EPB41L4A: variants seen among roughly 807,000 people sequenced by gnomAD.
EPB41L4A encodes erythrocyte membrane protein band 4.1 like 4A.
A neutral mutation model predicts 108.6 loss-of-function variants in EPB41L4A; 100 were observed. That is an observed-to-expected ratio of 0.92 (90% CI 0.78 to 1.09). The LOEUF (loss-of-function observed/expected upper bound fraction) is 1.09, where lower values mean the gene tolerates loss of function less well. Ranked by LOEUF, EPB41L4A falls within the 50% of genes least tolerant of loss-of-function variation. EPB41L4A has a pLI of 0.00. For synonymous variants in EPB41L4A, 319 were observed against 289.0 expected (o/e 1.10, Z -1.05); for missense variants, 1,030 against 842.7 (o/e 1.22, Z -2.75).
chr5:112,391,680 T>C (rs1760951649), intron 1 of EPB41L4A, among the ~76,000 whole-genome samples: 1 of 152,088 alleles, frequency 6.6e-6, no homozygotes, highest in Non-Finnish European at 1.5e-5. Context: ...CAGGAGAACT[T>C]TCCCAACCTA....
At chr5:112,236,897 C>A (rs550879098) in intron 11 of EPB41L4A, among the ~76,000 whole-genome samples, 19 of 152,328 alleles carry the variant, frequency 1.2e-4, no homozygotes, top group South Asian at 8.3e-4. Flanking sequence ...TTAAATAAAG[C>A]TGCACATGTG....
At chr5:112,178,168 A>ATTTTATGCGTGTGCATGTGTAGT (rs1760966145) in intron 18 of EPB41L4A, among the ~76,000 whole-genome samples, 1 of 152,186 alleles carries the variant, frequency 6.6e-6, no homozygotes, top group African/African-American at 2.4e-5. Flanking sequence ...AACATGAAGA[A>ATTTTATGCGTGTGCATGTGTAGT]GGTATGGTAG....
chr5:112,258,873 T>G (rs1043292870), intron 9 of EPB41L4A, among the ~76,000 whole-genome samples: 2 of 152,216 alleles, frequency 1.3e-5, no homozygotes, highest in African/African-American at 4.8e-5. Flanking sequence ...AGAATGCATT[T>G]TGGCAGTCCT....
intron 6 of EPB41L4A, chr5:112,263,292 C>T (rs1448361671): frequency 6.6e-6 from 1 of 152,030 alleles, no homozygotes; most frequent in Non-Finnish European, 1.5e-5. Context: ...AATAGATAAC[C>T]AAAGGAGGTC....
At chr5:112,378,679 C>A (rs546176621) in intron 1 of EPB41L4A, among the ~76,000 whole-genome samples, 2 of 152,092 alleles carry the variant, frequency 1.3e-5, no homozygotes, top group South Asian at 4.1e-4. Flanking sequence ...CCTCAGTTTC[C>A]CTGATGCTTT....
At chr5:112,380,581 G>A (rs2112600687) in intron 1 of EPB41L4A, among the ~76,000 whole-genome samples, 1 of 152,172 alleles carries the variant, frequency 6.6e-6, no homozygotes, top group South Asian at 2.1e-4. Context: ...AGTTACAGGG[G>A]AAGATTTAGT....
intron 4 of EPB41L4A, among the ~76,000 whole-genome samples, chr5:112,268,368 AC>A (rs1264419119): frequency 2.6e-5 from 4 of 152,022 alleles, no homozygotes; most frequent in African/African-American, 9.7e-5. Flanking sequence ...ACAGAGCAAG[AC>A]CCTGTCTCAA....
chr5:112,358,202 G>T (rs1758490498), intron 1 of EPB41L4A, among the ~76,000 whole-genome samples: 1 of 152,212 alleles, frequency 6.6e-6, no homozygotes, highest in African/African-American at 2.4e-5. Flanking sequence ...TTCCATCAAG[G>T]GAGAGGTAAT....
chr5:112,392,339 G>A (rs1445853454), intron 1 of EPB41L4A, among the ~76,000 whole-genome samples: 3 of 139,486 alleles, frequency 2.2e-5, no homozygotes, highest in African/African-American at 8.0e-5. Flanking sequence ...CATCTCACAT[G>A]CAGAGACACA....
chr5:112,292,242 G>C (rs1416278081), intron 2 of EPB41L4A, among the ~76,000 whole-genome samples: 1 of 152,202 alleles, frequency 6.6e-6, no homozygotes, highest in Non-Finnish European at 1.5e-5. Flanking sequence ...ATGAGCAACA[G>C]CAAATGCTCA....
chr5:112,168,073 T>G (rs1399632047), intron 22 of EPB41L4A, among the ~76,000 whole-genome samples: 2 of 152,232 alleles, frequency 1.3e-5, no homozygotes, highest in Non-Finnish European at 2.9e-5. Context: ...TTACAGTGGT[T>G]GTTTAACCAG....
intron 1 of EPB41L4A, among the ~76,000 whole-genome samples, chr5:112,397,382 A>G (rs1761428502): frequency 1.3e-5 from 2 of 152,200 alleles, no homozygotes; most frequent in South Asian, 4.1e-4. Flanking sequence ...CATATTATAC[A>G]TGTATTACGT....
intron 12 of EPB41L4A, among the ~76,000 whole-genome samples, chr5:112,211,398 A>G (rs1762735742): frequency 6.6e-6 from 1 of 152,188 alleles, no homozygotes; most frequent in Non-Finnish European, 1.5e-5. Context: ...TCTGGCCAAC[A>G]AGGCAAAACC....
chr5:112,234,225 A>G (rs926144361), intron 12 of EPB41L4A, among the ~76,000 whole-genome samples: 10 of 149,694 alleles, frequency 6.7e-5, no homozygotes, highest in Admixed American at 6.0e-4. Flanking sequence ...ATAAAATAAA[A>G]TAAAATAAAA....
At chr5:112,343,392 T>C (rs1272196311) in intron 1 of EPB41L4A, among the ~76,000 whole-genome samples, 2 of 152,194 alleles carry the variant, frequency 1.3e-5, no homozygotes, top group Admixed American at 6.5e-5. Context: ...CTGTGTTATA[T>C]TGGGGAAGTC....
At chr5:112,279,577 A>T (rs1417199503) in intron 3 of EPB41L4A, among the ~76,000 whole-genome samples, 2 of 152,136 alleles carry the variant, frequency 1.3e-5, no homozygotes, top group East Asian at 3.8e-4. Context: ...GGTTAAAAGG[A>T]TCCATTTTAT....
At position 112,378,612 on chromosome 5, in the gene EPB41L4A, C is replaced by T. The variant is rs1759969065; in HGVS notation, c.99+40329G>A. On this transcript the variant is annotated intron_variant, in intron 1 of 22. Coordinates refer to ENST00000261486, the MANE Select transcript of EPB41L4A (RefSeq NM_022140.5). ...TTAACTCATGCAAATTAAGGTAGATCCACTGGGGTGGAGGGCTGTGGAGAA... is the reference window on the plus strand; with the variant it reads ...TTAACTCATGCAAATTAAGGTAGATTCACTGGGGTGGAGGGCTGTGGAGAA... Among the ~76,000 whole-genome samples, 2 of 152,154 alleles carry T rather than the reference C, an allele frequency of 1.3e-5. 1 individual carries two copies. The highest frequency in any genetic ancestry group is 4.1e-4 in the South Asian group (2 of 4,830).
At chr5:112,416,005 T>C (rs1380774449) in intron 1 of EPB41L4A, among the ~76,000 whole-genome samples, 1 of 152,100 alleles carries the variant, frequency 6.6e-6, no homozygotes, top group Non-Finnish European at 1.5e-5. Flanking sequence ...TTATTTTCCA[T>C]TTAAATGGAA....
At chr5:112,393,175 A>G (rs1051371074) in intron 1 of EPB41L4A, among the ~76,000 whole-genome samples, 9 of 152,238 alleles carry the variant, frequency 5.9e-5, no homozygotes, top group Non-Finnish European at 1.0e-4. Context: ...ATCACAATTA[A>G]AAGAACTAGA....
Sources: gnomAD v4.1 joint callset for allele counts (sites outside exome capture counted in the v4.1 genomes callset) on GRCh38, gnomAD v4.1.1 for gene constraint, MANE v1.5 for transcripts, NCBI Gene and HGNC (gene_info 2026-07-23, HGNC 2026-07-21) for gene names.